The following NFIC variants were observed in gnomAD, a reference collection of about 807,000 sequenced individuals.
NFIC encodes nuclear factor I C, also known as nuclear factor 1 C-type.
A neutral mutation model predicts 54.4 loss-of-function variants in NFIC; 12 were observed. The ratio of observed to expected loss-of-function variants is 0.22; its 90% CI spans 0.14 to 0.36. The LOEUF (loss-of-function observed/expected upper bound fraction) is 0.36, where lower values mean the gene tolerates loss of function less well. NFIC is among the 10% of genes least tolerant of loss of function. The probability of loss-of-function intolerance (pLI) is 1.00; values close to 1 mark genes in which losing one functional copy is unlikely to be tolerated. For synonymous variants in NFIC, 322 were observed against 319.2 expected (o/e 1.01, Z -0.09); for missense variants, 575 against 718.2 (o/e 0.80, Z 2.28).
In NFIC at chr19:3,462,928, A is replaced by T; in HGVS notation, c.*159A>T. ...AAAAAGACAAAACACATAGACGCAC[A>T]CACTCAGGAGGAAAAGAAAAAACAA... On this transcript the variant is annotated 3_prime_UTR_variant, in exon 11 of 11. Transcript: ENST00000443272. 6.7e-7 allele frequency: 1 copy of T among 1,490,630 alleles called. No homozygotes were observed. Among genetic ancestry groups the T allele is most frequent in the Non-Finnish European group, 8.9e-7 (1 of 1,127,922 alleles). The allele number at this position is 1,490,630 out of a possible 1,614,324, so 92.3% of individuals were successfully genotyped here.
chr19:3,409,522 G>A (rs2081715306), intron 2 of NFIC, among the ~76,000 whole-genome samples: 2 of 152,204 alleles, frequency 1.3e-5, no homozygotes, highest in South Asian at 2.1e-4. Flanking sequence ...AAGGCCTGGC[G>A]AGTAGTAGGT....
chr19:3,381,831 G>C lies in NFIC; in HGVS notation c.150G>C (p.Ser50=). The C allele has an allele frequency of 6.2e-7, 1 of 1,614,036 alleles. No individual in the cohort carries two copies. Among genetic ancestry groups the C allele is most frequent in the Non-Finnish European group, 8.5e-7 (1 of 1,179,980 alleles). The change falls in exon 2 of 11, where the codon TCG becomes TCC. Residue 50 remains serine (S), a synonymous_variant. Transcript: ENST00000443272. The part of the protein sequence containing the change: ...KYFKKHEKRM[S]KDEERAVKDE... ...TCAAGAAGCACGAGAAGCGGATGTC[G>C]AAGGACGAGGAGCGTGCGGTCAAGG...
At chr19:3,397,122 T>C (rs562613866) in intron 2 of NFIC, among the ~76,000 whole-genome samples, 1 of 152,214 alleles carries the variant, frequency 6.6e-6, no homozygotes, top group Non-Finnish European at 1.5e-5. Flanking sequence ...GAAACCACAT[T>C]GTTGGCAGCT....
intron 10 of NFIC, 132 bp from the exon 11 acceptor site, chr19:3,462,620 C>A: frequency 9.8e-7 from 1 of 1,022,352 alleles, no homozygotes; most frequent in Non-Finnish European, 1.5e-6. Flanking sequence ...GATGGGGAAA[C>A]TGAGGTCACA....
chr19:3,448,402 G>A (rs1031749785), intron 6 of NFIC, among the ~76,000 whole-genome samples: 5 of 152,194 alleles, frequency 3.3e-5, no homozygotes, highest in Non-Finnish European at 7.4e-5. Context: ...ATTCACTGAG[G>A]AAGGTGTGAG....
At chr19:3,371,083 T>C (rs1311584212) in intron 1 of NFIC, among the ~76,000 whole-genome samples, 1 of 152,208 alleles carries the variant, frequency 6.6e-6, no homozygotes, top group Non-Finnish European at 1.5e-5. Flanking sequence ...CCTGAAAATC[T>C]TGCTCAGGAG....
At chr19:3,383,471 C>A (rs796807173) in intron 2 of NFIC, among the ~76,000 whole-genome samples, 35 of 152,308 alleles carry the variant, frequency 2.3e-4, no homozygotes, top group African/African-American at 8.4e-4. Flanking sequence ...GTTGGTCCTG[C>A]AGCTTCTTGG....
Position 3,466,790 on chromosome 19 carries a change from G to A in NFIC, c.*4021G>A, listed in dbSNP as rs1489352102. ...CGTCCCTGCACAGCCCACACCCGGG[G>A]GCCCAGAGTCCTGGGCTGGACGCCA... is the stretch of plus-strand genomic sequence containing the variant. On this transcript the variant is annotated 3_prime_UTR_variant, in exon 11 of 11. Transcript: ENST00000443272. The surrounding 1 kb of genome is among the most constrained non-coding windows in gnomAD (Gnocchi z 4.8). The A allele has an allele frequency of 1.3e-5, 2 of 152,294 alleles. No individual in the cohort carries two copies. The highest frequency in any genetic ancestry group is 3.9e-4 in the East Asian group (2 of 5,162). The allele number at this position is 152,294 out of a possible 1,614,324, so 9.4% of individuals were successfully genotyped here. A position where few individuals can be genotyped will look rare whatever the true frequency, so the allele number is the denominator to read the frequency against.
chr19:3,460,356 C>T (rs868008616), intron 10 of NFIC, among the ~76,000 whole-genome samples: 140 of 152,288 alleles, frequency 9.2e-4, no homozygotes, highest in African/African-American at 3.2e-3. Flanking sequence ...TCAAGTTCCA[C>T]CTCTGCCGCT....
chr19:3,421,258 G>A (rs115416836), intron 2 of NFIC, among the ~76,000 whole-genome samples: 4 of 147,396 alleles, frequency 2.7e-5, no homozygotes, highest in African/African-American at 1.1e-4. Flanking sequence ...TGGGCACTGC[G>A]GCCTGCTGAG....
rs1024829219 is a variant in NFIC, at chr19:3,366,757, A to C, written c.30+91A>C. 15 of 945,086 alleles carry C rather than the reference A, an allele frequency of 1.6e-5. No homozygotes were observed. The African/African-American group carries it at 2.4e-4, about 15-fold the overall frequency. 58.5% of individuals were successfully genotyped at this position (945,086 alleles called of 1,614,324 possible). On this transcript the variant is annotated intron_variant, in intron 1 of 10. Coordinates refer to ENST00000443272, the MANE Select transcript of NFIC (RefSeq NM_001245002.2). ...GAAGCAGGAGGAGGCGGGACGAAAA[A>C]GGCGCGCGTCCCTCCCGCCATCCCT... is the stretch of plus-strand genomic sequence containing the variant.
chr19:3,452,556 A>G lies in NFIC; in HGVS notation c.1159A>G (p.Thr387Ala). The G allele has an allele frequency of 6.2e-7, 1 of 1,613,474 alleles. No homozygotes were observed. The highest frequency in any genetic ancestry group is 8.5e-7 in the Non-Finnish European group (1 of 1,179,900). ...TTSILPQTAS[T>A]YFPHTAIRYP... ...GTCCATCCTACCCCAGACGGCCTCC[A>G]CCTACTTCCCCCACACGGCCATCCG... The change falls in exon 8 of 11, where the codon ACC (threonine) becomes GCC (alanine). Residue 387 changes from threonine (T) to alanine (A), a missense_variant. Thr to Ala is a moderately conservative substitution (Grantham distance 58, BLOSUM62 0). Coordinates refer to ENST00000443272, the MANE Select transcript of NFIC (RefSeq NM_001245002.2). This position sits in a 1 kb window ranked among gnomAD's most constrained non-coding sequence, Gnocchi z 5.3.
At chr19:3,444,986 C>T (rs1331436071) in intron 6 of NFIC, among the ~76,000 whole-genome samples, 5 of 152,140 alleles carry the variant, frequency 3.3e-5, no homozygotes, top group East Asian at 3.8e-4. Context: ...CACGTGCACA[C>T]GCATGTGCGC....
chr19:3,454,694 T>C (rs2082524825), intron 9 of NFIC, among the ~76,000 whole-genome samples: 1 of 144,138 alleles, frequency 6.9e-6, no homozygotes, highest in African/African-American at 2.6e-5. Flanking sequence ...CCCAGAGACC[T>C]CTCCCCATGG....
upstream of NFIC, among the ~76,000 whole-genome samples, chr19:3,366,092 G>T (rs1276544528): frequency 6.6e-6 from 1 of 151,996 alleles, no homozygotes; most frequent in Non-Finnish European, 1.5e-5. Flanking sequence ...GTGATGGGGG[G>T]GTGGGGAGGG....
At chr19:3,451,877 G>A (rs2082469076) in intron 7 of NFIC, among the ~76,000 whole-genome samples, 1 of 151,674 alleles carries the variant, frequency 6.6e-6, no homozygotes, top group African/African-American at 2.4e-5. Context: ...AGCTCTTTGG[G>A]AGGCCAAAGT....
At chr19:3,419,606 T>A (rs1323944132) in intron 2 of NFIC, among the ~76,000 whole-genome samples, 2 of 151,858 alleles carry the variant, frequency 1.3e-5, no homozygotes, top group Non-Finnish European at 2.9e-5. Flanking sequence ...CCATCTCTAC[T>A]AAAAATACAA....
intron 1 of NFIC, among the ~76,000 whole-genome samples, chr19:3,379,673 CTTTTTTTTTTT>C (rs370082450): frequency 5.9e-5 from 6 of 102,532 alleles, no homozygotes; most frequent in East Asian, 3.3e-4. Flanking sequence ...TTATTTCTTT[CTTTTTTTTTTT>C]TTTTTTTTTT....
In NFIC at chr19:3,467,758, C is replaced by CATACAT. The variant is rs1176001849; in HGVS notation, c.*4992_*4993insCATATA. The CATACAT allele has an allele frequency of 2.9e-5, 2 of 69,650 alleles. No homozygotes were observed. Among genetic ancestry groups the CATACAT allele is most frequent in the Admixed American group, 1.5e-4 (1 of 6,678 alleles). 4.3% of individuals were successfully genotyped at this position (69,650 alleles called of 1,614,324 possible). On this transcript the variant is annotated 3_prime_UTR_variant, in exon 11 of 11. Transcript: ENST00000443272. ...ACCTCCAGTGTAGGGCTATACTATA[C>CATACAT]ATATATATATATATATATATATATA...
Sources: allele counts gnomAD v4.1 joint callset (sites outside exome capture counted in the v4.1 genomes callset), GRCh38; gene constraint gnomAD v4.1.1; non-coding constraint Gnocchi (gnomAD v3.1); transcripts MANE v1.5; gene names NCBI Gene and HGNC (gene_info 2026-07-23, HGNC 2026-07-21).